The following LOC400499 variants were observed in gnomAD, a reference collection of about 807,000 sequenced individuals.
the LOC400499 span, among the ~76,000 whole-genome samples, chr16:11,465,762 A>G: frequency 1.5e-5 from 2 of 133,176 alleles, no homozygotes; most frequent in Non-Finnish European, 3.1e-5. Context: ...AAGAAAGAGA[A>G]GGCGGGGGGT....
At chr16:11,384,867 C>G in the LOC400499 span, 9 of 1,232,092 alleles carry the variant, frequency 7.3e-6, no homozygotes, top group African/African-American at 1.6e-5. Flanking sequence ...TGGGGCCAAC[C>G]CTCCTGGGGC....
chr16:11,514,375 T>C, the LOC400499 span: 8 of 399,216 alleles, frequency 2.0e-5, no homozygotes, highest in East Asian at 2.8e-4. Context: ...CCGCTGGATC[T>C]TGGGGCATCT....
the LOC400499 span, among the ~76,000 whole-genome samples, chr16:11,393,156 C>G: frequency 1.3e-3 from 27 of 20,726 alleles, no homozygotes; most frequent in East Asian, 0.019. Flanking sequence ...GCCTGGCCAC[C>G]CCCCCCCCTT....
the LOC400499 span, chr16:11,516,076 G>A: frequency 2.5e-6 from 1 of 399,520 alleles, no homozygotes; most frequent in Admixed American, 4.4e-5. Context: ...GGGCAGACAG[G>A]GTTGGGGACA....
chr16:11,450,801 A>T, the LOC400499 span: 1 of 1,534,332 alleles, frequency 6.5e-7, no homozygotes. Flanking sequence ...TCAGCCATGG[A>T]CTATCCAGGT....
chr16:11,413,308 G>C, the LOC400499 span, among the ~76,000 whole-genome samples: 4 of 152,336 alleles, frequency 2.6e-5, no homozygotes, highest in East Asian at 3.9e-4. Flanking sequence ...GTGGGGTACA[G>C]GGCTGAGATC....
the LOC400499 span, among the ~76,000 whole-genome samples, chr16:11,433,787 C>G: frequency 6.6e-6 from 1 of 152,232 alleles, no homozygotes; most frequent in Non-Finnish European, 1.5e-5. Context: ...CAGAGAGCTT[C>G]TGGGCTGAAC....
chr16:11,481,468 G>A, the LOC400499 span, among the ~76,000 whole-genome samples: 6 of 151,838 alleles, frequency 4.0e-5, no homozygotes, highest in Admixed American at 3.3e-4. Context: ...GATTATAAAC[G>A]CCTGCCACCA....
At chr16:11,458,679 T>G in the LOC400499 span, among the ~76,000 whole-genome samples, 1 of 152,016 alleles carries the variant, frequency 6.6e-6, no homozygotes, top group African/African-American at 2.4e-5. Flanking sequence ...TGGAGATAAG[T>G]AGTGGTGATG....
the LOC400499 span, chr16:11,465,419 T>A: frequency 6.6e-6 from 1 of 152,164 alleles, no homozygotes; most frequent in Non-Finnish European, 1.5e-5. Context: ...TCACACATCT[T>A]CCTGAAAAGT....
the LOC400499 span, among the ~76,000 whole-genome samples, chr16:11,387,834 G>C: frequency 6.6e-6 from 1 of 152,058 alleles, no homozygotes; most frequent in Non-Finnish European, 1.5e-5. Flanking sequence ...ACATTGGCCA[G>C]GCTAGTCTCA....
the LOC400499 span, chr16:11,385,481 A>G: frequency 9.0e-7 from 1 of 1,105,138 alleles, no homozygotes; most frequent in Non-Finnish European, 1.1e-6. Flanking sequence ...GTAGGAGCCC[A>G]ATGCCTGCTG....
At chr16:11,391,066 C>T in the LOC400499 span, among the ~76,000 whole-genome samples, 7 of 152,350 alleles carry the variant, frequency 4.6e-5, no homozygotes, top group South Asian at 4.1e-4. Context: ...GGAGTCCTGG[C>T]GCATTCCTCC....
chr16:11,480,962 G>C, the LOC400499 span, among the ~76,000 whole-genome samples: 10 of 152,364 alleles, frequency 6.6e-5, no homozygotes, highest in Middle Eastern at 6.8e-3. Context: ...ATGTCCATCA[G>C]TGAATGAATG....
chr16:11,425,438 A>C, the LOC400499 span: 1 of 399,110 alleles, frequency 2.5e-6, no homozygotes. Flanking sequence ...GGGTGCCTGC[A>C]GAGAATGGTG....
chr16:11,446,632 C>A, the LOC400499 span: 15 of 1,536,134 alleles, frequency 9.8e-6, no homozygotes, highest in South Asian at 1.8e-4. Context: ...CAGACCTGCA[C>A]AGACCTGGGA....
the LOC400499 span, among the ~76,000 whole-genome samples, chr16:11,511,189 G>A: frequency 6.6e-6 from 1 of 151,958 alleles, no homozygotes; most frequent in African/African-American, 2.4e-5. Flanking sequence ...ACAGTGATGG[G>A]GTTTCGTCAC....
the LOC400499 span, among the ~76,000 whole-genome samples, chr16:11,430,295 G>A: frequency 6.6e-6 from 1 of 152,118 alleles, no homozygotes; most frequent in African/African-American, 2.4e-5. Context: ...AGACCAGCCT[G>A]GTCAACCTGG....
chr16:11,497,231 G>A, the LOC400499 span, among the ~76,000 whole-genome samples: 232 of 152,152 alleles, frequency 1.5e-3, 1 homozygote, highest in Non-Finnish European at 2.6e-3. Flanking sequence ...GTACACGTGC[G>A]CTCAGGATGC....
Sources: gnomAD v4.1 joint callset for allele counts (sites outside exome capture counted in the v4.1 genomes callset) on GRCh38, gnomAD v4.1.1 for gene constraint, MANE v1.5 for transcripts.